OR5L2: variants seen among roughly 807,000 people sequenced by gnomAD.
OR5L2 encodes the protein olfactory receptor family 5 subfamily L member 2.
For missense variants in OR5L2, 425 were observed against 365.6 expected, an observed-to-expected ratio of 1.16 and a Z score of -1.32; for synonymous variants, 175 against 151.6, an observed-to-expected ratio of 1.15 and a Z score of -1.13.
At position 55,827,379 on chromosome 11, in the gene OR5L2, G is replaced by A. The variant is rs769015859; in HGVS notation, c.161G>A (p.Arg54Gln). The A allele has an allele frequency of 1.3e-5, 21 of 1,613,688 alleles. No individual in the cohort carries two copies. Among genetic ancestry groups the A allele is most frequent in the African/African-American group, 2.7e-5 (2 of 74,694 alleles). The change falls in exon 1 of 1, where the codon CGG becomes CAG. Residue 54 changes from arginine (R) to glutamine (Q), a missense_variant. By Grantham distance (43) the Arg-to-Gln change is conservative. Transcript: ENST00000378397. ...ACTGCACTGATTCAGGTCAGCTCTC[G>A]GCTCCACACCCCCGTGTACTTTTTC... ...GMTALIQVSS[R>Q]LHTPVYFFLS...
rs917447606 is a variant in OR5L2 at position 55,827,727 on chromosome 11, G to A, written c.509G>A (p.Arg170Lys). ...TTAGCTCTTAGGATCCTCTTCTATA[G>A]ATCTAATGTGATTAACCACTTCTTC... ...SSLALRILFY[R>K]SNVINHFFCD... Residue 170 changes from arginine to lysine, a missense_variant, in exon 1 of 1, where the codon AGA becomes AAA. Coordinates refer to ENST00000378397, the MANE Select transcript of OR5L2 (RefSeq NM_001004739.1). 1.2e-6 allele frequency: 2 copies of A among 1,613,694 alleles called. No individual in the cohort carries two copies. The highest frequency in any genetic ancestry group is 1.7e-6 in the Non-Finnish European group (2 of 1,179,978).
chr11:55,827,284 G>T lies in OR5L2; in HGVS notation c.66G>T (p.Glu22Asp). The T allele has an allele frequency of 6.2e-7, 1 of 1,613,904 alleles. No individual in the cohort carries two copies. The change falls in exon 1 of 1, where the codon GAG (glutamate) becomes GAT (aspartate). Residue 22 changes from glutamate (E) to aspartate (D), a missense_variant. Transcript: ENST00000378397. ...FILLGLSDVPELRVCLFLLFL... is the reference protein window; with the variant it reads ...FILLGLSDVPDLRVCLFLLFL... The stretch of plus-strand genomic sequence containing the variant: ...TCCTTGGACTATCAGATGTCCCTGA[G>T]TTGAGAGTCTGCCTCTTCCTGCTGT...
Position 55,827,957 on chromosome 11 carries a change from G to T in OR5L2, c.739G>T (p.Ala247Ser). The change falls in exon 1 of 1, where the codon GCC becomes TCC. Residue 247 changes from alanine (A) to serine (S), a missense_variant. By Grantham distance (99) the Ala-to-Ser change is moderately conservative (BLOSUM62 1). Coordinates refer to ENST00000378397, the MANE Select transcript of OR5L2 (RefSeq NM_001004739.1). ...AFSTCASHLTAITVSHGTILY... is the reference protein window; with the variant it reads ...AFSTCASHLTSITVSHGTILY... ...CTCCACCTGTGCCTCCCACCTCACA[G>T]CCATCACTGTCTCCCATGGAACAAT... The T allele has an allele frequency of 6.2e-7, 1 of 1,613,828 alleles. No individual in the cohort carries two copies. Among genetic ancestry groups the T allele is most frequent in the Non-Finnish European group, 8.5e-7 (1 of 1,179,976 alleles).
chr11:55,827,703 T>G lies in OR5L2; in HGVS notation c.485T>G (p.Leu162Ter). ...GTVCSLIHSSLALRILFYRSN... is the reference protein window; with the variant it reads ...GTVCSLIHSS ...GTGTGTTCTCTGATTCACTCGTCCT[T>G]AGCTCTTAGGATCCTCTTCTATAGA... The change falls in exon 1 of 1, where the codon TTA (leucine) becomes TGA (stop). Residue 162 changes from leucine to a stop codon, truncating the protein, a stop_gained. Transcript: ENST00000378397. LOFTEE classifies it low-confidence loss of function (END_TRUNC). 6.2e-7 allele frequency: 1 copy of G among 1,613,924 alleles called. No homozygotes were observed. The highest frequency in any genetic ancestry group is 8.5e-7 in the Non-Finnish European group (1 of 1,179,990).
rs545589132 is a variant in OR5L2, at chr11:55,827,310, T to A, written c.92T>A (p.Phe31Tyr). 6.2e-7 allele frequency: 1 copy of A among 1,613,986 alleles called. No individual in the cohort carries two copies. The highest frequency in any genetic ancestry group is 2.2e-5 in the East Asian group (1 of 44,876). ...TTGAGAGTCTGCCTCTTCCTGCTGT[T>A]CCTTCTCATCTATGGAGTCACGTTG... ...PELRVCLFLL[F>Y]LLIYGVTLLA... Residue 31 changes from phenylalanine (F) to tyrosine (Y), a missense_variant, in exon 1 of 1, where the codon TTC (phenylalanine) becomes TAC (tyrosine). By Grantham distance (22) the Phe-to-Tyr change is conservative. Coordinates refer to ENST00000378397, the MANE Select transcript of OR5L2 (RefSeq NM_001004739.1).
Position 55,827,727 on chromosome 11 carries a change from G to T in OR5L2, c.509G>T (p.Arg170Ile). Residue 170 changes from arginine (R) to isoleucine (I), a missense_variant, in exon 1 of 1, where the codon AGA becomes ATA. Coordinates refer to ENST00000378397, the MANE Select transcript of OR5L2 (RefSeq NM_001004739.1). ...TTAGCTCTTAGGATCCTCTTCTATA[G>T]ATCTAATGTGATTAACCACTTCTTC... ...SSLALRILFY[R>I]SNVINHFFCD... The T allele has an allele frequency of 6.2e-7, 1 of 1,613,694 alleles. No homozygotes were observed. Among genetic ancestry groups the T allele is most frequent in the Admixed American group, 1.7e-5 (1 of 59,962 alleles).
Position 55,827,240 on chromosome 11 carries a change from A to C in OR5L2, c.22A>C (p.Thr8Pro). 3 of 1,613,398 alleles carry C rather than the reference A, an allele frequency of 1.9e-6. No individual in the cohort carries two copies. The highest frequency in any genetic ancestry group is 2.5e-6 in the Non-Finnish European group (3 of 1,179,690). MGKENCTTVAEFILLGLS... is the reference protein window; with the variant it reads MGKENCTPVAEFILLGLS... ...AGACATGGGCAAGGAAAACTGCACC[A>C]CTGTGGCTGAGTTCATTCTCCTTGG... is the stretch of plus-strand genomic sequence containing the variant. Residue 8 changes from threonine to proline, a missense_variant, in exon 1 of 1, where the codon ACT becomes CCT. Physicochemically the swap from Thr to Pro is conservative, Grantham distance 38. Coordinates refer to ENST00000378397, the MANE Select transcript of OR5L2 (RefSeq NM_001004739.1).
At position 55,827,705 on chromosome 11, in the gene OR5L2, G is replaced by A. The variant is rs765512416; in HGVS notation, c.487G>A (p.Ala163Thr). 1.6e-5 allele frequency: 26 copies of A among 1,613,736 alleles called. No homozygotes were observed. Among genetic ancestry groups the A allele is most frequent in the Non-Finnish European group, 2.1e-5 (25 of 1,180,010 alleles). The change falls in exon 1 of 1, where the codon GCT becomes ACT. Residue 163 changes from alanine (A) to threonine (T), a missense_variant. Transcript: ENST00000378397. ...GTGTTCTCTGATTCACTCGTCCTTA[G>A]CTCTTAGGATCCTCTTCTATAGATC... The part of the protein sequence containing the change: ...TVCSLIHSSL[A>T]LRILFYRSNV...
In OR5L2 at chr11:55,828,073, G is replaced by T. The variant is rs779069334; in HGVS notation, c.855G>T (p.Leu285=). 1.9e-6 allele frequency: 3 copies of T among 1,613,604 alleles called. No individual in the cohort carries two copies. Among genetic ancestry groups the T allele is most frequent in the African/African-American group, 2.7e-5 (2 of 74,722 alleles). ...TVFYTVVIPM[L]NPLIYSLRNK... ...TCTACACAGTTGTGATTCCCATGCTGAACCCCCTGATCTACAGCCTGAGAA... is the reference window on the plus strand; with the variant it reads ...TCTACACAGTTGTGATTCCCATGCTTAACCCCCTGATCTACAGCCTGAGAA... The change falls in exon 1 of 1, where the codon CTG becomes CTT. Residue 285 remains leucine (L), a synonymous_variant. Coordinates refer to ENST00000378397, the MANE Select transcript of OR5L2 (RefSeq NM_001004739.1).
Position 55,827,823 on chromosome 11 carries a change from T to A in OR5L2, c.605T>A (p.Val202Glu). ...GTGAATGAGACACTGCTGTTCCTGG[T>A]GGCCACTTTGAATGAGAGTGTTACC... ...VTVNETLLFL[V>E]ATLNESVTIM... Residue 202 changes from valine (V) to glutamate (E), a missense_variant, in exon 1 of 1, where the codon GTG becomes GAG. Physicochemically the swap from Val to Glu is moderately radical, Grantham distance 121. Coordinates refer to ENST00000378397, the MANE Select transcript of OR5L2 (RefSeq NM_001004739.1). The A allele has an allele frequency of 3.7e-6, 6 of 1,613,938 alleles. No individual in the cohort carries two copies. The highest frequency in any genetic ancestry group is 5.1e-6 in the Non-Finnish European group (6 of 1,179,998).
chr11:55,827,508 G>A lies in OR5L2; in HGVS notation c.290G>A (p.Cys97Tyr), dbSNP rs1216967897. 2 of 1,613,802 alleles carry A rather than the reference G, an allele frequency of 1.2e-6. No homozygotes were observed. Among genetic ancestry groups the A allele is most frequent in the Admixed American group, 1.7e-5 (1 of 59,986 alleles). Reference protein sequence around the residue: ...NKDKAISFLGCMVQFYLFCTC... With the variant: ...NKDKAISFLGYMVQFYLFCTC... ...GACAAAGCCATCTCCTTCCTAGGGT[G>A]CATGGTGCAATTCTACTTGTTTTGC... is the stretch of plus-strand genomic sequence containing the variant. The change falls in exon 1 of 1, where the codon TGC (cysteine) becomes TAC (tyrosine). Residue 97 changes from cysteine (C) to tyrosine (Y), a missense_variant. Physicochemically the swap from Cys to Tyr is radical, Grantham distance 194. Transcript: ENST00000378397.
Position 55,828,028 on chromosome 11 carries a change from T to G in OR5L2, c.810T>G (p.Val270=). ...CGAGTTCAGGCAACAGTGGAGATGT[T>G]GACAAAGTGGCCACCGTGTTCTACA... is the stretch of plus-strand genomic sequence containing the variant. The part of the protein sequence containing the change: ...CRPSSGNSGD[V]DKVATVFYTV... Residue 270 remains valine, a synonymous_variant, in exon 1 of 1, where the codon GTT becomes GTG. Transcript: ENST00000378397. 6 of 1,608,832 alleles carry G rather than the reference T, an allele frequency of 3.7e-6. No homozygotes were observed. In the South Asian group the frequency reaches 4.4e-5, roughly 12 times the overall value.
chr11:55,827,955 C>T lies in OR5L2; in HGVS notation c.737C>T (p.Thr246Ile). The T allele has an allele frequency of 1.9e-6, 3 of 1,613,888 alleles. No homozygotes were observed. The highest frequency in any genetic ancestry group is 2.5e-6 in the Non-Finnish European group (3 of 1,179,968). Residue 246 changes from threonine to isoleucine, a missense_variant, in exon 1 of 1, where the codon ACA (threonine) becomes ATA (isoleucine). Transcript: ENST00000378397. ...TTCTCCACCTGTGCCTCCCACCTCA[C>T]AGCCATCACTGTCTCCCATGGAACA... ...KAFSTCASHL[T>I]AITVSHGTIL...
Position 55,827,983 on chromosome 11 carries a change from C to A in OR5L2, c.765C>A (p.Ile255=), listed in dbSNP as rs1344044341. The A allele has an allele frequency of 2.5e-6, 4 of 1,613,750 alleles. No individual in the cohort carries two copies. Among genetic ancestry groups the A allele is most frequent in the Non-Finnish European group, 3.4e-6 (4 of 1,179,992 alleles). Residue 255 remains isoleucine (I), a synonymous_variant, in exon 1 of 1, where the codon ATC becomes ATA. Coordinates refer to ENST00000378397, the MANE Select transcript of OR5L2 (RefSeq NM_001004739.1). ...CCATCACTGTCTCCCATGGAACAATCCTTTACATTTATTGCAGGCCGAGTT... is the reference window on the plus strand; with the variant it reads ...CCATCACTGTCTCCCATGGAACAATACTTTACATTTATTGCAGGCCGAGTT... ...LTAITVSHGT[I]LYIYCRPSSG...
In OR5L2 at chr11:55,827,678, G is replaced by T. The variant is rs201248700; in HGVS notation, c.460G>T (p.Val154Leu). The T allele has an allele frequency of 1.2e-5, 19 of 1,613,812 alleles. No homozygotes were observed. The highest frequency in any genetic ancestry group is 1.6e-5 in the Non-Finnish European group (19 of 1,179,960). ...LTSCCYFCGTVCSLIHSSLAL... is the reference protein window; with the variant it reads ...LTSCCYFCGTLCSLIHSSLAL... ...CTCTTGCTGCTACTTCTGTGGGACG[G>T]TGTGTTCTCTGATTCACTCGTCCTT... is the stretch of plus-strand genomic sequence containing the variant. The change falls in exon 1 of 1, where the codon GTG becomes TTG. Residue 154 changes from valine to leucine, a missense_variant. By Grantham distance (32) the Val-to-Leu change is conservative. Transcript: ENST00000378397.
rs2134474108 is a variant in OR5L2 at position 55,827,306 on chromosome 11, C to T, written c.88C>T (p.Leu30=). ...VPELRVCLFL[L]FLLIYGVTLL... ...TGAGTTGAGAGTCTGCCTCTTCCTG[C>T]TGTTCCTTCTCATCTATGGAGTCAC... Residue 30 remains leucine (L), a synonymous_variant, in exon 1 of 1, where the codon CTG becomes TTG. Coordinates refer to ENST00000378397, the MANE Select transcript of OR5L2 (RefSeq NM_001004739.1). 1.2e-6 allele frequency: 2 copies of T among 1,613,930 alleles called. No homozygotes were observed. Among genetic ancestry groups the T allele is most frequent in the African/African-American group, 1.3e-5 (1 of 74,854 alleles).
Position 55,828,046 on chromosome 11 carries a change from G to A in OR5L2, c.828G>A (p.Val276=). 1 of 1,613,778 alleles carries A rather than the reference G, an allele frequency of 6.2e-7. No individual in the cohort carries two copies. The highest frequency in any genetic ancestry group is 8.5e-7 in the Non-Finnish European group (1 of 1,179,936). Residue 276 remains valine (V), a synonymous_variant, in exon 1 of 1, where the codon GTG becomes GTA. Coordinates refer to ENST00000378397, the MANE Select transcript of OR5L2 (RefSeq NM_001004739.1). The part of the protein sequence containing the change: ...NSGDVDKVAT[V]FYTVVIPMLN... Reference sequence around the variant, plus strand: ...GAGATGTTGACAAAGTGGCCACCGTGTTCTACACAGTTGTGATTCCCATGC... The same window carrying A: ...GAGATGTTGACAAAGTGGCCACCGTATTCTACACAGTTGTGATTCCCATGC...
rs766084915 is a variant in OR5L2 at position 55,828,058 on chromosome 11, T to C, written c.840T>C (p.Val280=). The change falls in exon 1 of 1, where the codon GTT becomes GTC. Residue 280 remains valine, a synonymous_variant. Coordinates refer to ENST00000378397, the MANE Select transcript of OR5L2 (RefSeq NM_001004739.1). ...VDKVATVFYT[V]VIPMLNPLIY... ...AAGTGGCCACCGTGTTCTACACAGT[T>C]GTGATTCCCATGCTGAACCCCCTGA... The C allele has an allele frequency of 1.2e-6, 2 of 1,613,724 alleles. No individual in the cohort carries two copies. Among genetic ancestry groups the C allele is most frequent in the Non-Finnish European group, 1.7e-6 (2 of 1,179,892 alleles).
In OR5L2 at chr11:55,828,105, A is replaced by T. The variant is rs768460915; in HGVS notation, c.887A>T (p.Asp296Val). 2 of 1,613,364 alleles carry T rather than the reference A, an allele frequency of 1.2e-6. No homozygotes were observed. The highest frequency in any genetic ancestry group is 1.7e-6 in the Non-Finnish European group (2 of 1,179,630). ...NPLIYSLRNKDVNKALRKVMG... is the reference protein window; with the variant it reads ...NPLIYSLRNKVVNKALRKVMG... ...CTGATCTACAGCCTGAGAAATAAGG[A>T]TGTGAACAAAGCTCTCAGAAAAGTG... is the stretch of plus-strand genomic sequence containing the variant. Residue 296 changes from aspartate to valine, a missense_variant, in exon 1 of 1, where the codon GAT (aspartate) becomes GTT (valine). Asp to Val is a radical substitution (Grantham distance 152). Coordinates refer to ENST00000378397, the MANE Select transcript of OR5L2 (RefSeq NM_001004739.1).
Sources: allele counts gnomAD v4.1 joint callset, GRCh38; gene constraint gnomAD v4.1.1; transcripts MANE v1.5; gene names NCBI Gene and HGNC (gene_info 2026-07-23, HGNC 2026-07-21).